Variants in PRKG1 observed in about 807,000 individuals in gnomAD.
The protein encoded by PRKG1 is cGMP-dependent protein kinase 1.
Under a neutral mutation model 88.1 loss-of-function variants are expected in PRKG1, and 35 were observed. The ratio of observed to expected loss-of-function variants is 0.40; its 90% CI spans 0.30 to 0.53. The LOEUF is 0.53. Among genes scored for constraint, PRKG1 ranks in the 20% least tolerant of loss-of-function variants. PRKG1 has a pLI of 0.59. For missense variants in PRKG1, 540 were observed against 839.8 expected, an observed-to-expected ratio of 0.64 and a Z score of 4.41; for synonymous variants, 303 against 292.5, an observed-to-expected ratio of 1.04 and a Z score of -0.37.
intron 2 of PRKG1, among the ~76,000 whole-genome samples, chr10:51,169,570 A>G (rs1846642975): frequency 1.4e-5 from 2 of 143,802 alleles, no homozygotes. Context: ...TTGGAAGATA[A>G]AAGGCTTACT....
At chr10:52,073,810 T>A (rs1846563227) in intron 7 of PRKG1, among the ~76,000 whole-genome samples, 1 of 152,188 alleles carries the variant, frequency 6.6e-6, no homozygotes, top group South Asian at 2.1e-4. Flanking sequence ...ATGGAAACTG[T>A]ATCCTGATTT....
At chr10:51,336,456 G>A (rs1293838875) in intron 2 of PRKG1, among the ~76,000 whole-genome samples, 6 of 152,184 alleles carry the variant, frequency 3.9e-5, no homozygotes, top group African/African-American at 1.2e-4. Flanking sequence ...TGACTAGCTT[G>A]TAATAGGACA....
At chr10:52,260,324 G>A (rs1411498580) in intron 10 of PRKG1, among the ~76,000 whole-genome samples, 4 of 152,020 alleles carry the variant, frequency 2.6e-5, no homozygotes, top group Non-Finnish European at 4.4e-5. Flanking sequence ...AAGTTTTCCA[G>A]TATGTAACAG....
chr10:51,194,926 C>T (rs1837724181), intron 2 of PRKG1, among the ~76,000 whole-genome samples: 2 of 152,144 alleles, frequency 1.3e-5, no homozygotes, highest in Non-Finnish European at 2.9e-5. Context: ...GGTATTAATC[C>T]ACTCATGAGG....
At position 52,012,434 on chromosome 10, in the gene PRKG1, G is replaced by A. The variant is rs573478509; in HGVS notation, c.763-42050G>A. 2.1e-3 allele frequency among the ~76,000 whole-genome samples: 315 copies of A among 152,178 alleles called. 2 individuals carry two copies. Among genetic ancestry groups the A allele is most frequent in the African/African-American group, 7.2e-3 (297 of 41,514 alleles). ...TTTTTTTGTATTTTTAGTAGAGACA[G>A]GGTTTCACCGTGTTAGCCAGAATGG... On this transcript the variant is annotated intron_variant, in intron 5 of 17. Coordinates refer to ENST00000373980, the MANE Select transcript of PRKG1 (RefSeq NM_006258.4).
intron 3 of PRKG1, among the ~76,000 whole-genome samples, chr10:51,755,245 C>T (rs957458475): frequency 6.6e-6 from 1 of 152,170 alleles, no homozygotes; most frequent in Non-Finnish European, 1.5e-5. Flanking sequence ...GAAGGTGTCC[C>T]TATCTGACAT....
chr10:52,064,786 C>T (rs147294912), intron 7 of PRKG1, among the ~76,000 whole-genome samples: 6 of 152,302 alleles, frequency 3.9e-5, no homozygotes, highest in African/African-American at 1.4e-4. Flanking sequence ...CCTGCTGGCT[C>T]CATGGGTGTG....
At position 51,549,120 on chromosome 10, in the gene PRKG1, CTTT is replaced by C. The variant is rs56045527; in HGVS notation, c.592+81303_592+81305del. Among the ~76,000 whole-genome samples, 33 of 70,332 alleles carry C rather than the reference CTTT, an allele frequency of 4.7e-4. 1 individual carries two copies. Among genetic ancestry groups the C allele is most frequent in the Middle Eastern group, 0.012 (1 of 84 alleles). 46.1% of individuals were successfully genotyped at this position (70,332 alleles called of 152,430 possible). ...TTCTTTCCTTTCTTTCTTTTCTTTT[CTTT>C]TTTTTTTTTTTTTTTTTTGAGACAG... On this transcript the variant is annotated intron_variant, in intron 3 of 17. Coordinates refer to ENST00000373980, the MANE Select transcript of PRKG1 (RefSeq NM_006258.4).
intron 8 of PRKG1, among the ~76,000 whole-genome samples, chr10:52,157,308 T>TAC (rs1564494146): frequency 8.3e-5 from 1 of 12,070 alleles, no homozygotes; most frequent in African/African-American, 5.1e-4. Context: ...AGTTAGTTGA[T>TAC]ATATATATAT....
intron 2 of PRKG1, among the ~76,000 whole-genome samples, chr10:51,293,677 A>G (rs1404410548): frequency 1.3e-5 from 2 of 152,176 alleles, no homozygotes; most frequent in Admixed American, 6.6e-5. Flanking sequence ...CAATGATGCC[A>G]TGAATATGAG....
intron 9 of PRKG1, among the ~76,000 whole-genome samples, chr10:52,181,484 C>A: frequency 9.4e-6 from 1 of 106,920 alleles, no homozygotes; most frequent in African/African-American, 3.9e-5. Flanking sequence ...GCACATTGTG[C>A]AGGTTAGTTA....
In PRKG1 at chr10:51,742,401, G is replaced by A. The variant is rs372797682; in HGVS notation, c.593-62184G>A. Among the ~76,000 whole-genome samples the A allele has an allele frequency of 2.6e-5, 4 of 152,294 alleles. No homozygotes were observed. The East Asian group carries it at 5.8e-4, about 22-fold the overall frequency. ...TACTCCAAAACCAACTATTTGGTTT[G>A]CCGCTTAATAGCCGTGAGATAAGAA... On this transcript the variant is annotated intron_variant, in intron 3 of 17. Transcript: ENST00000373980.
In PRKG1 at chr10:51,715,598, A is replaced by G. The variant is rs904174167; in HGVS notation, c.593-88987A>G. 4.6e-5 allele frequency among the ~76,000 whole-genome samples: 7 copies of G among 152,326 alleles called. No individual in the cohort carries two copies. In the South Asian group the frequency reaches 1.5e-3, roughly 32 times the overall value. ...GGTGATTCAACAGTCTAAGCAATAA[A>G]CATCTGTTAAAAATAGCAGTTATTA... is the stretch of plus-strand genomic sequence containing the variant. On this transcript the variant is annotated intron_variant, in intron 3 of 17. Coordinates refer to ENST00000373980, the MANE Select transcript of PRKG1 (RefSeq NM_006258.4).
intron 12 of PRKG1, among the ~76,000 whole-genome samples, chr10:52,273,019 A>T (rs1841772961): frequency 6.6e-6 from 1 of 152,000 alleles, no homozygotes; most frequent in South Asian, 2.1e-4. Context: ...AAAGAAAAGA[A>T]TCCACTTATA....
chr10:51,300,584 A>C lies in PRKG1; in HGVS notation c.478+147254A>C, dbSNP rs1049183544. ...ACTCTTGAGTGTGGTTTACTTTTGC[A>C]GCAAATACAAATTTAGTAAGTTAAA... On this transcript the variant is annotated intron_variant, in intron 2 of 17. Coordinates refer to ENST00000373980, the MANE Select transcript of PRKG1 (RefSeq NM_006258.4). 5.9e-5 allele frequency among the ~76,000 whole-genome samples: 9 copies of C among 152,346 alleles called. No individual in the cohort carries two copies. The East Asian group carries it at 1.5e-3, about 26-fold the overall frequency.
intron 5 of PRKG1, among the ~76,000 whole-genome samples, chr10:51,997,683 C>T (rs537338892): frequency 5.3e-5 from 8 of 152,060 alleles, no homozygotes; most frequent in East Asian, 1.9e-4. Context: ...TAATGTTGTA[C>T]GCAATAAATA....
intron 10 of PRKG1, among the ~76,000 whole-genome samples, chr10:52,253,941 T>C (rs1841246753): frequency 6.6e-6 from 1 of 151,862 alleles, no homozygotes; most frequent in African/African-American, 2.4e-5. Flanking sequence ...ACAATCAGAA[T>C]GCCTATATTG....
chr10:51,436,656 C>T (rs970971399), intron 2 of PRKG1, among the ~76,000 whole-genome samples: 1 of 152,026 alleles, frequency 6.6e-6, no homozygotes, highest in Non-Finnish European at 1.5e-5. Context: ...TGTAATATCG[C>T]TGTCACATTC....
intron 4 of PRKG1, among the ~76,000 whole-genome samples, chr10:51,886,009 G>GTTTCT (rs768772658): frequency 2.1e-4 from 32 of 152,118 alleles, no homozygotes; most frequent in African/African-American, 7.2e-4. Context: ...CCTAAGTAAG[G>GTTTCT]TTTCTTTTCT....
Sources: gnomAD v4.1 joint callset for allele counts (sites outside exome capture counted in the v4.1 genomes callset) on GRCh38, gnomAD v4.1.1 for gene constraint, MANE v1.5 for transcripts, NCBI Gene and HGNC (gene_info 2026-07-23, HGNC 2026-07-21) for gene names.